The following ANKRD31 variants were observed in gnomAD, a reference collection of about 807,000 sequenced individuals.
ANKRD31 encodes ankyrin repeat domain-containing protein 31.
A neutral mutation model predicts 186.0 loss-of-function variants in ANKRD31; 147 were observed. The ratio of observed to expected loss-of-function variants is 0.79; its 90% confidence interval spans 0.69 to 0.91. The LOEUF is 0.91. Among genes scored for constraint, ANKRD31 ranks in the 40% least tolerant of loss-of-function variants. ANKRD31 has a pLI of 0.00. For synonymous variants in ANKRD31, 673 were observed against 736.4 expected (o/e 0.91, Z 1.39); for missense variants, 1,986 against 2,148.8 (o/e 0.92, Z 1.50).
intron 17 of ANKRD31, among the ~76,000 whole-genome samples, chr5:75,136,799 G>C (rs1313922764): frequency 1.3e-5 from 2 of 152,060 alleles, no homozygotes; most frequent in Non-Finnish European, 2.9e-5. Context: ...ATTAAGAAAA[G>C]GTGGCACATA....
chr5:75,154,187 C>T lies in ANKRD31; in HGVS notation c.1852+14G>A. The T allele has an allele frequency of 6.8e-7, 1 of 1,469,182 alleles. No homozygotes were observed. Among genetic ancestry groups the T allele is most frequent in the Non-Finnish European group, 9.0e-7 (1 of 1,113,664 alleles). The allele number at this position is 1,469,182 out of a possible 1,614,324, so 91.0% of individuals were successfully genotyped here. A position where few individuals can be genotyped will look rare whatever the true frequency, so the allele number is the denominator to read the frequency against. ...GATGTGACAAATAGCTATTACAGGGCAGTTTAATCTTACCTGATGTAAGGC... is the reference window on the plus strand; with the variant it reads ...GATGTGACAAATAGCTATTACAGGGTAGTTTAATCTTACCTGATGTAAGGC... On this transcript the variant is annotated intron_variant, in intron 12 of 25. Coordinates refer to ENST00000506364, the MANE Select transcript of ANKRD31 (RefSeq NM_001372053.1).
At chr5:75,142,543 T>C (rs1751122345) in intron 15 of ANKRD31, among the ~76,000 whole-genome samples, 1 of 152,174 alleles carries the variant, frequency 6.6e-6, no homozygotes, top group Admixed American at 6.6e-5. Context: ...TTGATTCTTG[T>C]ATAGTTTCTG....
In ANKRD31 at chr5:75,103,324, G is replaced by A. The variant is rs530732945; in HGVS notation, c.5331+904C>T. Among the ~76,000 whole-genome samples the A allele has an allele frequency of 3.6e-4, 55 of 152,282 alleles. No homozygotes were observed. The South Asian group carries it at 0.011, about 31-fold the overall frequency. On this transcript the variant is annotated intron_variant, in intron 22 of 25. Coordinates refer to ENST00000506364, the MANE Select transcript of ANKRD31 (RefSeq NM_001372053.1). ...ATACCCTCTCACACCACTCAGAACA[G>A]CGATTATTAAAAAGTCAAGAAACAA... is the stretch of plus-strand genomic sequence containing the variant.
chr5:75,135,129 C>T (rs1233040343), intron 17 of ANKRD31, among the ~76,000 whole-genome samples: 1 of 152,168 alleles, frequency 6.6e-6, no homozygotes, highest in African/African-American at 2.4e-5. Flanking sequence ...CCCTCTCTCA[C>T]CACTCCTATT....
Position 75,144,083 on chromosome 5 carries a change from G to A in ANKRD31, c.3513C>T (p.His1171=). 2 of 397,514 alleles carry A rather than the reference G, an allele frequency of 5.0e-6. No individual in the cohort carries two copies. The highest frequency in any genetic ancestry group is 8.9e-6 in the Non-Finnish European group (2 of 225,392). 24.6% of individuals were successfully genotyped at this position (397,514 alleles called of 1,614,324 possible). A position where few individuals can be genotyped will look rare whatever the true frequency, so the allele number is the denominator to read the frequency against. ...EIKEKTESEI[H]MPTNSQEHKT... is the part of the protein sequence containing the mutation. ...TGTGTTCTTGGCTATTAGTAGGCATGTGAATTTCTGACTCCGTTTTTTCTT... is the reference window on the plus strand; with the variant it reads ...TGTGTTCTTGGCTATTAGTAGGCATATGAATTTCTGACTCCGTTTTTTCTT... Residue 1171 remains histidine, a synonymous_variant, in exon 15 of 26, where the codon CAC becomes CAT. Coordinates refer to ENST00000506364, the MANE Select transcript of ANKRD31 (RefSeq NM_001372053.1).
intron 11 of ANKRD31, among the ~76,000 whole-genome samples, chr5:75,166,419 C>A (rs1005590684): frequency 1.3e-5 from 2 of 152,030 alleles, no homozygotes; most frequent in East Asian, 3.9e-4. Context: ...GGCAGTGAAC[C>A]GAGATCACGC....
At chr5:75,069,275 ATT>A (rs34733519) in intron 25 of ANKRD31, among the ~76,000 whole-genome samples, 21 of 150,564 alleles carry the variant, frequency 1.4e-4, no homozygotes, top group Middle Eastern at 3.4e-3. Context: ...AGTCTGAGAG[ATT>A]TTTTTTTTTC....
At chr5:75,076,993 A>G (rs1744700270) in intron 25 of ANKRD31, among the ~76,000 whole-genome samples, 1 of 152,254 alleles carries the variant, frequency 6.6e-6, no homozygotes, top group Non-Finnish European at 1.5e-5. Context: ...TTGTTATTTT[A>G]ATATAAAGTT....
intron 17 of ANKRD31, among the ~76,000 whole-genome samples, chr5:75,127,013 T>A (rs1398022909): frequency 1.3e-5 from 2 of 151,996 alleles, no homozygotes; most frequent in East Asian, 3.9e-4. Context: ...TGAAACCCCA[T>A]CTCTACTAAA....
chr5:75,124,529 C>T (rs1228276231), intron 17 of ANKRD31, among the ~76,000 whole-genome samples: 1 of 152,110 alleles, frequency 6.6e-6, no homozygotes, highest in African/African-American at 2.4e-5. Context: ...ATGGAATCAA[C>T]CTTAGTGTCC....
intron 3 of ANKRD31, among the ~76,000 whole-genome samples, chr5:75,218,982 C>A (rs1354732634): frequency 6.6e-6 from 1 of 152,020 alleles, no homozygotes; most frequent in African/African-American, 2.4e-5. Context: ...GGAACAACTC[C>A]AAAATAATAA....
chr5:75,084,498 C>G, intron 23 of ANKRD31, 124 bp from the exon 24 acceptor site: 1 of 708,170 alleles, frequency 1.4e-6, no homozygotes, highest in South Asian at 1.8e-5. Flanking sequence ...TAGCAAGCTT[C>G]AGTCCATGGC....
intron 17 of ANKRD31, among the ~76,000 whole-genome samples, chr5:75,128,426 T>C (rs1457731934): frequency 2.2e-5 from 1 of 44,748 alleles, no homozygotes; most frequent in Admixed American, 2.0e-4. Flanking sequence ...AGTGAGAGCA[T>C]TCCTCAGGAT....
At chr5:75,082,882 A>C (rs561485864) in intron 24 of ANKRD31, among the ~76,000 whole-genome samples, 1 of 152,344 alleles carries the variant, frequency 6.6e-6, no homozygotes, top group South Asian at 2.1e-4. Flanking sequence ...GAGATGCAGA[A>C]AAACTGGAAC....
At chr5:75,098,799 T>G (rs1746554645) in intron 22 of ANKRD31, among the ~76,000 whole-genome samples, 1 of 152,238 alleles carries the variant, frequency 6.6e-6, no homozygotes, top group Non-Finnish European at 1.5e-5. Flanking sequence ...GAGACTTTGC[T>G]GAAGTTGCTT....
intron 15 of ANKRD31, among the ~76,000 whole-genome samples, chr5:75,141,536 G>C (rs1272436577): frequency 6.6e-6 from 1 of 152,062 alleles, no homozygotes; most frequent in Non-Finnish European, 1.5e-5. Flanking sequence ...GGGCAACATA[G>C]GGAGATGACA....
intron 22 of ANKRD31, among the ~76,000 whole-genome samples, chr5:75,095,870 T>C: frequency 6.6e-6 from 1 of 152,150 alleles, no homozygotes; most frequent in East Asian, 1.9e-4. Flanking sequence ...AGGCTTCCCC[T>C]AGGGTTCTTG....
At chr5:75,124,136 G>A (rs547247358) in intron 17 of ANKRD31, among the ~76,000 whole-genome samples, 4 of 152,158 alleles carry the variant, frequency 2.6e-5, no homozygotes, top group African/African-American at 9.6e-5. Context: ...GACATGAATA[G>A]ACATTTCTTA....
At chr5:75,144,319 G>A (rs1561472519) in intron 14 of ANKRD31, 148 bp from the exon 15 acceptor site, 1 of 383,928 alleles carries the variant, frequency 2.6e-6, no homozygotes, top group Non-Finnish European at 4.6e-6. Flanking sequence ...TTATGTAACA[G>A]ACAAAAAGTT....
Sources: gnomAD v4.1 joint callset for allele counts (sites outside exome capture counted in the v4.1 genomes callset) on GRCh38, gnomAD v4.1.1 for gene constraint, MANE v1.5 for transcripts, NCBI Gene and HGNC (gene_info 2026-07-23, HGNC 2026-07-21) for gene names.